The following SLIT2 variants were observed in gnomAD, a reference collection of about 807,000 sequenced individuals.
SLIT2 encodes the protein slit homolog 2 protein.
In SLIT2, 41 loss-of-function variants were observed where a neutral mutation model predicts 185.7. That is an observed-to-expected ratio of 0.22 (90% CI 0.17 to 0.29). The LOEUF (loss-of-function observed/expected upper bound fraction) is 0.29. Ranked by LOEUF, SLIT2 falls within the 10% of genes least tolerant of loss-of-function variation. The pLI is 1.00. For missense variants in SLIT2, 1,571 were observed against 1,909.0 expected (o/e 0.82, Z 3.30); for synonymous variants, 693 against 680.2 (o/e 1.02, Z -0.29).
chr4:20,291,492 A>ATATATTTTTT (rs1715924481), intron 4 of SLIT2, among the ~76,000 whole-genome samples: 1 of 18,268 alleles, frequency 5.5e-5, no homozygotes, highest in Non-Finnish European at 9.2e-5. Context: ...ATATATATAT[A>ATATATTTTTT]TTTTTTTTTT....
chr4:20,538,789 A>G (rs888699102), intron 18 of SLIT2, among the ~76,000 whole-genome samples: 2 of 152,056 alleles, frequency 1.3e-5, no homozygotes, highest in Non-Finnish European at 2.9e-5. Context: ...CTAAAAAAAA[A>G]AAAAAAAAGG....
chr4:20,340,517 T>G (rs540434810), intron 4 of SLIT2, among the ~76,000 whole-genome samples: 1 of 152,292 alleles, frequency 6.6e-6, no homozygotes, highest in East Asian at 1.9e-4. Flanking sequence ...ATAAACAAAA[T>G]GATCCATGAT....
At chr4:20,512,883 G>C (rs1223694724) in intron 11 of SLIT2, among the ~76,000 whole-genome samples, 1 of 152,132 alleles carries the variant, frequency 6.6e-6, no homozygotes, top group Admixed American at 6.5e-5. Flanking sequence ...TTCTGTGGTT[G>C]TGAGAATTAA....
intron 4 of SLIT2, among the ~76,000 whole-genome samples, chr4:20,381,272 T>A (rs1404984943): frequency 6.6e-6 from 1 of 151,276 alleles, no homozygotes; most frequent in African/African-American, 2.4e-5. Context: ...AAAAAACAAA[T>A]AAAATTGCTG....
At chr4:20,548,342 G>GA in intron 22 of SLIT2, 146 bp from the exon 23 acceptor site, 1 of 586,222 alleles carries the variant, frequency 1.7e-6, no homozygotes, top group Non-Finnish European at 3.0e-6. Context: ...TACTCCAGTG[G>GA]GTCGTTCACT....
intron 12 of SLIT2, among the ~76,000 whole-genome samples, chr4:20,520,762 T>C (rs34831431): frequency 2.6e-5 from 4 of 152,286 alleles, no homozygotes; most frequent in African/African-American, 7.2e-5. Context: ...TTATATGTAG[T>C]GCTCTCTTTT....
chr4:20,489,444 A>G (rs1003911349), intron 8 of SLIT2, among the ~76,000 whole-genome samples: 1 of 152,228 alleles, frequency 6.6e-6, no homozygotes, highest in African/African-American at 2.4e-5. Context: ...TTTACTTAAA[A>G]CAAATATTAA....
intron 4 of SLIT2, among the ~76,000 whole-genome samples, chr4:20,458,091 A>C (rs1364478152): frequency 1.2e-5 from 1 of 86,890 alleles, no homozygotes; most frequent in Non-Finnish European, 2.7e-5. Flanking sequence ...CATTATGCAA[A>C]AAAAAAAAAA....
At chr4:20,490,431 G>GTA (rs989109174) in intron 8 of SLIT2, among the ~76,000 whole-genome samples, 3 of 151,168 alleles carry the variant, frequency 2.0e-5, no homozygotes, top group Non-Finnish European at 4.4e-5. Flanking sequence ...TTGTATATGT[G>GTA]TATATATATG....
At position 20,566,686 on chromosome 4, in the gene SLIT2, A is replaced by T. The variant is rs555881483; in HGVS notation, c.2726-576A>T. Among the ~76,000 whole-genome samples, 366 of 152,100 alleles carry T rather than the reference A, an allele frequency of 2.4e-3. 3 individuals carry two copies. Among genetic ancestry groups the T allele is most frequent in the African/African-American group, 8.1e-3 (337 of 41,552 alleles). ...ACCGAATCAAAAGGAAATGAGGGAG[A>T]TGATAATGAAGGTTACACTTTTGGT... On this transcript the variant is annotated intron_variant, in intron 26 of 36. Transcript: ENST00000504154.
At chr4:20,511,243 A>G (rs532488510) in intron 11 of SLIT2, 106 bp downstream of exon 11, 17 of 621,786 alleles carry the variant, frequency 2.7e-5, no homozygotes, top group Non-Finnish European at 4.3e-5. Context: ...TATTATGAAT[A>G]ATGAATTATT....
intron 14 of SLIT2, 39 bp from the exon 15 acceptor site, chr4:20,525,110 C>T: frequency 1.3e-6 from 2 of 1,506,980 alleles, no homozygotes; most frequent in Non-Finnish European, 1.8e-6. Flanking sequence ...TGCTGACATT[C>T]AGGTGCATCT....
chr4:20,592,515 T>C (rs1467521934), intron 30 of SLIT2, among the ~76,000 whole-genome samples: 2 of 152,180 alleles, frequency 1.3e-5, no homozygotes, highest in Non-Finnish European at 2.9e-5. Context: ...AAGACAAAAA[T>C]GTTGGACATA....
At chr4:20,291,305 A>G (rs1170267091) in intron 4 of SLIT2, among the ~76,000 whole-genome samples, 2 of 151,518 alleles carry the variant, frequency 1.3e-5, no homozygotes. Context: ...GGATTGTCCA[A>G]GTTAATCTAC....
At chr4:20,405,387 C>T (rs1043309370) in intron 4 of SLIT2, among the ~76,000 whole-genome samples, 3 of 151,722 alleles carry the variant, frequency 2.0e-5, no homozygotes, top group Non-Finnish European at 2.9e-5. Context: ...GTTTTGAAAT[C>T]TAGGAAAAAA....
chr4:20,263,463 G>A (rs1712711489), intron 3 of SLIT2, among the ~76,000 whole-genome samples: 3 of 151,822 alleles, frequency 2.0e-5, no homozygotes, highest in African/African-American at 4.8e-5. Flanking sequence ...TAAAAGCACA[G>A]AGTGTGGATT....
chr4:20,302,402 T>C (rs1039057504), intron 4 of SLIT2, among the ~76,000 whole-genome samples: 1 of 152,134 alleles, frequency 6.6e-6, no homozygotes, highest in Non-Finnish European at 1.5e-5. Context: ...ATTCCATCAG[T>C]TATCCAGTGT....
intron 4 of SLIT2, among the ~76,000 whole-genome samples, chr4:20,400,418 T>C (rs1726253461): frequency 6.6e-6 from 1 of 151,680 alleles, no homozygotes; most frequent in African/African-American, 2.4e-5. Context: ...GATAGGTAGG[T>C]AGAAAAAGAG....
chr4:20,589,032 A>G (rs1450515506), intron 29 of SLIT2, among the ~76,000 whole-genome samples: 6 of 152,244 alleles, frequency 3.9e-5, no homozygotes, highest in Non-Finnish European at 5.9e-5. Flanking sequence ...ACCAGAGACT[A>G]TGAAGATTTG....
Sources: allele counts gnomAD v4.1 joint callset (sites outside exome capture counted in the v4.1 genomes callset), GRCh38; gene constraint gnomAD v4.1.1; transcripts MANE v1.5; gene names NCBI Gene and HGNC (gene_info 2026-07-23, HGNC 2026-07-21).